GRID2: variants seen among roughly 807,000 people sequenced by gnomAD.
GRID2 encodes the protein glutamate receptor ionotropic, delta-2.
Under a neutral mutation model 114.8 loss-of-function variants are expected in GRID2, and 33 were observed. That is an observed-to-expected ratio of 0.29 (90% CI 0.22 to 0.38). The LOEUF (loss-of-function observed/expected upper bound fraction) is 0.38. GRID2 is among the 10% of genes least tolerant of loss of function. GRID2 has a pLI of 1.00. For missense variants in GRID2, 1,184 were observed against 1,257.7 expected (o/e 0.94, Z 0.89); for synonymous variants, 505 against 449.9 (o/e 1.12, Z -1.55).
At chr4:93,575,658 A>T (rs13148050) in intron 13 of GRID2, among the ~76,000 whole-genome samples, 40,751 of 152,030 alleles carry the variant, frequency 0.27, 5,654 homozygotes, top group Middle Eastern at 0.34. Flanking sequence ...AGAATAGTGC[A>T]GGTCCAGAAT....
chr4:92,819,439 TA>T lies in GRID2; in HGVS notation c.244+229158del, dbSNP rs140665775. 1.3e-3 allele frequency among the ~76,000 whole-genome samples: 198 copies of T among 152,186 alleles called. 1 individual carries two copies. Among genetic ancestry groups the T allele is most frequent in the African/African-American group, 4.4e-3 (184 of 41,544 alleles). ...GGCGGCATGAAGAGTGAATAGGGTT[TA>T]AAAAGGAATATTAGAATCACATGGG... On this transcript the variant is annotated intron_variant, in intron 2 of 15. Transcript: ENST00000282020.
At chr4:93,697,780 A>G (rs1392428476) in intron 14 of GRID2, among the ~76,000 whole-genome samples, 1 of 150,102 alleles carries the variant, frequency 6.7e-6, no homozygotes, top group Non-Finnish European at 1.5e-5. Flanking sequence ...ATTTGCTAAA[A>G]GAATAGATTT....
At chr4:92,567,217 G>T (rs982072750) in intron 1 of GRID2, among the ~76,000 whole-genome samples, 8 of 151,884 alleles carry the variant, frequency 5.3e-5, no homozygotes, top group Non-Finnish European at 1.0e-4. Flanking sequence ...TTCTAATGGT[G>T]TCATTTCTTC....
At chr4:93,491,828 A>C (rs1727036130) in intron 12 of GRID2, among the ~76,000 whole-genome samples, 1 of 151,956 alleles carries the variant, frequency 6.6e-6, no homozygotes, top group Non-Finnish European at 1.5e-5. Flanking sequence ...AGAATTAATT[A>C]TCTATAAATA....
intron 2 of GRID2, among the ~76,000 whole-genome samples, chr4:92,669,394 G>A (rs922514): frequency 0.27 from 41,095 of 151,716 alleles, 5,579 homozygotes; most frequent in Middle Eastern, 0.33. Flanking sequence ...AGCGTGGTAG[G>A]GTACCTGAGC....
At chr4:93,351,886 T>G (rs951148043) in intron 8 of GRID2, among the ~76,000 whole-genome samples, 1 of 152,018 alleles carries the variant, frequency 6.6e-6, no homozygotes, top group Non-Finnish European at 1.5e-5. Context: ...AAACATGATA[T>G]AAGCTCCTTG....
At chr4:93,680,993 C>A (rs529508531) in intron 14 of GRID2, among the ~76,000 whole-genome samples, 58 of 151,258 alleles carry the variant, frequency 3.8e-4, no homozygotes, top group Non-Finnish European at 5.7e-4. Flanking sequence ...TCCAATTGTC[C>A]CTGTTTGCAG....
intron 4 of GRID2, among the ~76,000 whole-genome samples, chr4:93,196,200 A>G (rs1273668431): frequency 6.6e-6 from 1 of 152,200 alleles, no homozygotes; most frequent in Non-Finnish European, 1.5e-5. Context: ...ACAGTAGGCC[A>G]CAAAGCTGCC....
intron 1 of GRID2, among the ~76,000 whole-genome samples, chr4:92,415,161 T>C (rs1731534617): frequency 6.6e-6 from 1 of 152,096 alleles, no homozygotes; most frequent in African/African-American, 2.4e-5. Flanking sequence ...CATGAATAAT[T>C]ACTGATATAT....
intron 14 of GRID2, among the ~76,000 whole-genome samples, chr4:93,678,693 G>C (rs1725181068): frequency 6.6e-6 from 1 of 151,558 alleles, no homozygotes; most frequent in South Asian, 2.1e-4. Context: ...CATAAGTGAA[G>C]GATAAATAAA....
At chr4:93,198,329 TG>T (rs1663175798) in intron 4 of GRID2, among the ~76,000 whole-genome samples, 1 of 152,000 alleles carries the variant, frequency 6.6e-6, no homozygotes, top group Admixed American at 6.6e-5. Flanking sequence ...CAGAGACTCA[TG>T]GGGGAGCAAT....
chr4:93,594,382 G>A (rs1738790254), intron 13 of GRID2, among the ~76,000 whole-genome samples: 1 of 152,196 alleles, frequency 6.6e-6, no homozygotes, highest in African/African-American at 2.4e-5. Flanking sequence ...CAGGGGTCAG[G>A]GACCCACTTG....
intron 14 of GRID2, among the ~76,000 whole-genome samples, chr4:93,726,922 C>G (rs1162656624): frequency 6.6e-6 from 1 of 152,212 alleles, no homozygotes; most frequent in Non-Finnish European, 1.5e-5. Context: ...ACAATCATGT[C>G]ATCTGCAAAC....
chr4:93,233,944 T>C (rs1746455754), intron 7 of GRID2, among the ~76,000 whole-genome samples: 1 of 152,194 alleles, frequency 6.6e-6, no homozygotes, highest in Non-Finnish European at 1.5e-5. Context: ...TGAACTCTAA[T>C]AAGTTGTCAT....
At chr4:92,435,131 G>A (rs1189382831) in intron 1 of GRID2, among the ~76,000 whole-genome samples, 1 of 152,032 alleles carries the variant, frequency 6.6e-6, no homozygotes, top group Non-Finnish European at 1.5e-5. Context: ...TATGTAAGTG[G>A]GCACCCCATC....
At chr4:93,398,348 G>A (rs1168589490) in intron 9 of GRID2, among the ~76,000 whole-genome samples, 1 of 151,176 alleles carries the variant, frequency 6.6e-6, no homozygotes, top group Non-Finnish European at 1.5e-5. Context: ...TTTACAGACA[G>A]TAAGTAGCAG....
At chr4:93,221,800 C>T (rs1188971082) in intron 6 of GRID2, among the ~76,000 whole-genome samples, 1 of 152,120 alleles carries the variant, frequency 6.6e-6, no homozygotes, top group East Asian at 1.9e-4. Flanking sequence ...ATTACCACCA[C>T]TTCTTGATCC....
chr4:93,464,155 T>C (rs1369510537), intron 11 of GRID2, among the ~76,000 whole-genome samples: 1 of 152,176 alleles, frequency 6.6e-6, no homozygotes, highest in Non-Finnish European at 1.5e-5. Context: ...AAAGCTGATT[T>C]AGGATTGGTC....
At chr4:93,671,339 GT>G (rs2110066633) in intron 14 of GRID2, among the ~76,000 whole-genome samples, 1 of 152,264 alleles carries the variant, frequency 6.6e-6, no homozygotes, top group Non-Finnish European at 1.5e-5. Flanking sequence ...ACCCAAAAGG[GT>G]TTTTTCCCCA....
Sources: allele counts gnomAD v4.1 joint callset (sites outside exome capture counted in the v4.1 genomes callset), GRCh38; gene constraint gnomAD v4.1.1; transcripts MANE v1.5; gene names NCBI Gene and HGNC (gene_info 2026-07-23, HGNC 2026-07-21).